CTNNA3: variants seen among roughly 807,000 people sequenced by gnomAD.
CTNNA3 encodes the protein catenin alpha 3.
CTNNA3 carries 76 observed loss-of-function variants against 95.7 expected under a neutral mutation model. The observed-to-expected ratio is 0.79, with a 90% CI of 0.66 to 0.96. The LOEUF is 0.96. Ranked by LOEUF, CTNNA3 falls within the 40% of genes least tolerant of loss-of-function variation. The probability of loss-of-function intolerance (pLI) is 0.00; values close to 1 mark genes in which losing one functional copy is unlikely to be tolerated. For missense variants in CTNNA3, 1,191 were observed against 1,089.8 expected (o/e 1.09, Z -1.31); for synonymous variants, 431 against 374.4 (o/e 1.15, Z -1.74).
chr10:67,184,672 A>ATC (rs1341843173), intron 6 of CTNNA3, among the ~76,000 whole-genome samples: 1 of 152,186 alleles, frequency 6.6e-6, no homozygotes, highest in African/African-American at 2.4e-5. Flanking sequence ...CTTTGACATC[A>ATC]TCTCATCCCT....
rs1412471571 is a variant in CTNNA3 at position 66,912,289 on chromosome 10, AACAAAT to A, written c.1048-136771_1048-136766del. The stretch of plus-strand genomic sequence containing the variant: ...GTTTTCTAGTTTTTTACTATAAAAT[AACAAAT>A]ACAAATTTGAAAATAGCAAAGTATT... On this transcript the variant is annotated intron_variant, in intron 7 of 17. Transcript: ENST00000433211. 4.1e-4 allele frequency among the ~76,000 whole-genome samples: 63 copies of A among 152,214 alleles called. 1 individual carries two copies. Among genetic ancestry groups the A allele is most frequent in the African/African-American group, 1.4e-3 (57 of 41,458 alleles).
chr10:65,959,236 T>C (rs143886617), intron 17 of CTNNA3, among the ~76,000 whole-genome samples: 77 of 152,254 alleles, frequency 5.1e-4, no homozygotes, highest in African/African-American at 1.8e-3. Context: ...GCTAAGACCA[T>C]TGGAAAAGCA....
At chr10:66,131,460 T>C (rs2133849832) in intron 13 of CTNNA3, among the ~76,000 whole-genome samples, 1 of 152,286 alleles carries the variant, frequency 6.6e-6, no homozygotes, top group Admixed American at 6.5e-5. Context: ...CCATGCTCAA[T>C]GATCACACTG....
intron 5 of CTNNA3, among the ~76,000 whole-genome samples, chr10:67,460,490 A>G (rs1259814290): frequency 6.6e-6 from 1 of 152,162 alleles, no homozygotes; most frequent in Non-Finnish European, 1.5e-5. Context: ...TACCAATCTC[A>G]AAAAAAGAGA....
intron 7 of CTNNA3, among the ~76,000 whole-genome samples, chr10:67,125,453 A>G (rs1859677942): frequency 6.6e-6 from 1 of 152,176 alleles, no homozygotes; most frequent in Non-Finnish European, 1.5e-5. Flanking sequence ...CTTTCCAAAT[A>G]TTTTAGTGCC....
At chr10:66,147,286 C>A (rs1372054537) in intron 13 of CTNNA3, among the ~76,000 whole-genome samples, 7 of 151,982 alleles carry the variant, frequency 4.6e-5, no homozygotes, top group Non-Finnish European at 1.0e-4. Context: ...CAATATTCTT[C>A]TTTTTTAAAA....
intron 12 of CTNNA3, among the ~76,000 whole-genome samples, chr10:66,327,869 T>C (rs1373028427): frequency 6.6e-6 from 1 of 152,108 alleles, no homozygotes; most frequent in African/African-American, 2.4e-5. Context: ...TTATGTCACC[T>C]TGCATTATAA....
intron 13 of CTNNA3, among the ~76,000 whole-genome samples, chr10:66,180,799 TAG>T (rs1294899407): frequency 1.3e-5 from 2 of 152,088 alleles, no homozygotes; most frequent in Non-Finnish European, 2.9e-5. Context: ...CCTAAAACAA[TAG>T]AGAGTGCTTA....
chr10:67,332,401 TC>T (rs1296062152), intron 5 of CTNNA3, among the ~76,000 whole-genome samples: 3 of 152,202 alleles, frequency 2.0e-5, no homozygotes, highest in Admixed American at 1.3e-4. Flanking sequence ...ACTTTGTTCC[TC>T]ATAACAGAGC....
chr10:66,811,066 C>A (rs952612435), intron 7 of CTNNA3, among the ~76,000 whole-genome samples: 4 of 152,092 alleles, frequency 2.6e-5, no homozygotes, highest in African/African-American at 7.2e-5. Context: ...TGCTGATTTG[C>A]AAGTTAAAAA....
rs535859385 is a variant in CTNNA3 at position 67,372,586 on chromosome 10, G to C, written c.579+149256C>G. On this transcript the variant is annotated intron_variant, in intron 5 of 17. Coordinates refer to ENST00000433211, the MANE Select transcript of CTNNA3 (RefSeq NM_013266.4). ...TATCCAGGAGAACTTCCCCAACCTA[G>C]CAAGGCAGGCCAACATTCAAATTCA... Among the ~76,000 whole-genome samples the C allele has an allele frequency of 4.0e-3, 609 of 152,228 alleles. 5 individuals are homozygous for C. Among genetic ancestry groups the C allele is most frequent in the Non-Finnish European group, 6.8e-3 (464 of 68,030 alleles).
chr10:66,820,903 T>C (rs1842284411), intron 7 of CTNNA3, among the ~76,000 whole-genome samples: 1 of 152,082 alleles, frequency 6.6e-6, no homozygotes, highest in Non-Finnish European at 1.5e-5. Context: ...GGACAAAAGC[T>C]CCCTCTGGTA....
intron 13 of CTNNA3, among the ~76,000 whole-genome samples, chr10:66,114,129 A>G (rs1425280960): frequency 2.0e-5 from 3 of 152,200 alleles, no homozygotes; most frequent in Non-Finnish European, 4.4e-5. Context: ...AATTTATTTT[A>G]GTGAGGAAAA....
chr10:66,551,843 G>A (rs1394973097), intron 10 of CTNNA3, among the ~76,000 whole-genome samples: 1 of 150,036 alleles, frequency 6.7e-6, no homozygotes, highest in African/African-American at 2.5e-5. Context: ...AGCTCATGGT[G>A]ATCCTGAAAA....
intron 5 of CTNNA3, among the ~76,000 whole-genome samples, chr10:67,438,888 G>A (rs977659049): frequency 1.3e-5 from 2 of 152,110 alleles, no homozygotes; most frequent in Non-Finnish European, 2.9e-5. Context: ...GAGGGAAATC[G>A]CCCATCCCAG....
intron 12 of CTNNA3, among the ~76,000 whole-genome samples, chr10:66,281,287 C>T (rs1161213919): frequency 6.6e-6 from 1 of 151,838 alleles, no homozygotes; most frequent in Non-Finnish European, 1.5e-5. Context: ...TAAATTAAGG[C>T]TTCAAAATAG....
intron 12 of CTNNA3, among the ~76,000 whole-genome samples, chr10:66,316,756 A>G (rs918635779): frequency 6.6e-6 from 1 of 152,134 alleles, no homozygotes; most frequent in Non-Finnish European, 1.5e-5. Flanking sequence ...GAACAAAATG[A>G]TATTATTCAA....
intron 12 of CTNNA3, among the ~76,000 whole-genome samples, chr10:66,329,140 G>A (rs990109078): frequency 2.6e-5 from 4 of 151,070 alleles, no homozygotes; most frequent in African/African-American, 9.7e-5. Flanking sequence ...TAGTAGAGAT[G>A]GGGTTTCACC....
chr10:66,374,641 G>A (rs960846477), intron 12 of CTNNA3, among the ~76,000 whole-genome samples: 1 of 126,514 alleles, frequency 7.9e-6, no homozygotes, highest in African/African-American at 3.1e-5. Context: ...TTGAGACGGA[G>A]TCTCGCTCTG....
Sources: gnomAD v4.1 joint callset for allele counts (sites outside exome capture counted in the v4.1 genomes callset) on GRCh38, gnomAD v4.1.1 for gene constraint, MANE v1.5 for transcripts, NCBI Gene and HGNC (gene_info 2026-07-23, HGNC 2026-07-21) for gene names.